The following AHCY variants were observed in gnomAD, a reference collection of about 807,000 sequenced individuals.
AHCY encodes the protein adenosylhomocysteinase.
In AHCY, 24 loss-of-function variants were observed where a neutral mutation model predicts 45.4. The observed-to-expected ratio is 0.53, with a 90% CI of 0.38 to 0.74. The LOEUF is 0.74. Ranked by LOEUF, AHCY falls within the 30% of genes least tolerant of loss-of-function variation. The probability of loss-of-function intolerance (pLI) is 0.00; values close to 1 mark genes in which losing one functional copy is unlikely to be tolerated. For synonymous variants in AHCY, 245 were observed against 235.1 expected, an observed-to-expected ratio of 1.04 and a Z score of -0.39; for missense variants, 449 against 594.1, an observed-to-expected ratio of 0.76 and a Z score of 2.54.
chr20:34,241,432 C>G, the AHCY span: 5 of 984,942 alleles, frequency 5.1e-6, no homozygotes, highest in Non-Finnish European at 4.8e-6. Flanking sequence ...CAGCAAATCT[C>G]TACAGCTGCA....
chr20:34,268,815 C>G, the AHCY span, among the ~76,000 whole-genome samples: 1 of 151,438 alleles, frequency 6.6e-6, no homozygotes, highest in Admixed American at 6.6e-5. Flanking sequence ...CCAGGTAAGT[C>G]TGGATGGGGA....
chr20:34,238,965 C>A, the AHCY span, among the ~76,000 whole-genome samples: 34 of 152,208 alleles, frequency 2.2e-4, 1 homozygote, highest in African/African-American at 7.0e-4. Flanking sequence ...TCTGCCAGTA[C>A]AAGTTTTGGT....
At chr20:34,285,027 C>T (rs2036125397) in intron 9 of AHCY, among the ~76,000 whole-genome samples, 1 of 152,116 alleles carries the variant, frequency 6.6e-6, no homozygotes, top group Admixed American at 6.6e-5. Context: ...CCTGCCTAGC[C>T]CCTGTGGGTG....
chr20:34,246,050 G>A, the AHCY span: 28 of 918,716 alleles, frequency 3.0e-5, no homozygotes, highest in Middle Eastern at 3.2e-4. Flanking sequence ...AAGTCTCCCC[G>A]AATAATTTCA....
the AHCY span, among the ~76,000 whole-genome samples, chr20:34,235,793 GA>G: frequency 2.4e-5 from 1 of 41,498 alleles, no homozygotes; most frequent in Non-Finnish European, 3.8e-5. Flanking sequence ...AAAGAAGAAA[GA>G]AAGAAAGAAA....
the AHCY span, chr20:34,245,890 C>A: frequency 7.6e-7 from 1 of 1,310,600 alleles, no homozygotes; most frequent in Non-Finnish European, 1.0e-6. Flanking sequence ...ATATAAAGGC[C>A]TCTCTCCCTT....
intron 3 of AHCY, chr20:34,293,691 G>C (rs2036477821): frequency 1.4e-5 from 5 of 355,838 alleles, no homozygotes; most frequent in South Asian, 8.9e-5. Context: ...ATTCTCGTTA[G>C]ACTTGGTCCT....
the AHCY span, among the ~76,000 whole-genome samples, chr20:34,238,745 C>A: frequency 2.0e-5 from 3 of 152,072 alleles, no homozygotes; most frequent in African/African-American, 7.2e-5. Context: ...GAAAACTAGA[C>A]ATTTTAGTTT....
upstream of AHCY, among the ~76,000 whole-genome samples, chr20:34,304,709 A>G (rs1008813778): frequency 2.1e-5 from 3 of 145,982 alleles, no homozygotes; most frequent in Admixed American, 2.0e-4. Flanking sequence ...TTTTTTTGAG[A>G]TAGAGTTTGG....
chr20:34,255,221 C>A, the AHCY span, among the ~76,000 whole-genome samples: 1 of 152,194 alleles, frequency 6.6e-6, no homozygotes, highest in Non-Finnish European at 1.5e-5. Flanking sequence ...GTCCCACTAC[C>A]CCTTGGATTT....
rs114007946 is a variant in AHCY at position 34,290,189 on chromosome 20, G to A, written c.972+143C>T. On this transcript the variant is annotated intron_variant, in intron 8 of 9. Coordinates refer to ENST00000217426, the MANE Select transcript of AHCY (RefSeq NM_000687.4). The surrounding 1 kb of genome is among the most constrained non-coding windows in gnomAD (Gnocchi z 4.5). The stretch of plus-strand genomic sequence containing the variant: ...GCTGCCCACAGGATAAGGTTGCCAC[G>A]TCTGGCTGGCTCTGATGCTAGGCCC... 6,240 of 843,658 alleles carry A rather than the reference G, an allele frequency of 7.4e-3. 263 individuals carry two copies. The African/African-American group carries it at 0.089, about 12-fold the overall frequency. 52.3% of individuals were successfully genotyped at this position (843,658 alleles called of 1,614,324 possible).
intron 8 of AHCY, among the ~76,000 whole-genome samples, chr20:34,289,174 T>G (rs1036595058): frequency 8.0e-5 from 12 of 150,810 alleles, no homozygotes; most frequent in Non-Finnish European, 1.8e-4. Context: ...CAGCTGATTT[T>G]TTTGTTTGTT....
the AHCY span, among the ~76,000 whole-genome samples, chr20:34,258,681 ATATATATATACATAC>A: frequency 2.8e-5 from 2 of 70,968 alleles, 1 homozygote; most frequent in Admixed American, 4.1e-4. Context: ...TGCCATATAT[ATATATATATACATAC>A]TATATATATA....
chr20:34,292,503 A>G lies in AHCY; in HGVS notation c.300T>C (p.Tyr100=). 2 of 1,614,042 alleles carry G rather than the reference A, an allele frequency of 1.2e-6. No individual in the cohort carries two copies. Residue 100 remains tyrosine, a synonymous_variant, in exon 4 of 10, where the codon TAT becomes TAC. Coordinates refer to ENST00000217426, the MANE Select transcript of AHCY (RefSeq NM_000687.4). ...CCTCGTCCGTTTCGCCCTTCCAGGCATACACTGGAGGGTGAGTGGCACATC... is the reference window on the plus strand; with the variant it reads ...CCTCGTCCGTTTCGCCCTTCCAGGCGTACACTGGAGGGTGAGTGGCACATC... ...AAIAKAGIPV[Y]AWKGETDEEY... is the part of the protein sequence containing the mutation.
the AHCY span, among the ~76,000 whole-genome samples, chr20:34,274,549 A>G: frequency 2.0e-5 from 3 of 152,192 alleles, no homozygotes; most frequent in Non-Finnish European, 4.4e-5. Context: ...CCCAGGGAGT[A>G]GTCTCACTAG....
At chr20:34,281,188 C>T (rs373677983) in intron 9 of AHCY, 23 bp from the exon 10 acceptor site, 34 of 1,611,822 alleles carry the variant, frequency 2.1e-5, no homozygotes, top group Non-Finnish European at 2.7e-5. Flanking sequence ...AAAGGAAGAC[C>T]GGGAATCAGT....
At chr20:34,275,602 TA>T (rs1253386954), downstream of AHCY, among the ~76,000 whole-genome samples, 1 of 152,126 alleles carries the variant, frequency 6.6e-6, no homozygotes, top group Non-Finnish European at 1.5e-5. Flanking sequence ...CCAGTTAGTG[TA>T]AAACATGTCT....
the AHCY span, among the ~76,000 whole-genome samples, chr20:34,252,691 C>G: frequency 6.6e-6 from 1 of 152,142 alleles, no homozygotes; most frequent in Non-Finnish European, 1.5e-5. Context: ...AGCACAGACC[C>G]TTTATGGGTG....
intron 1 of AHCY, among the ~76,000 whole-genome samples, chr20:34,309,074 C>T (rs188295835): frequency 1.8e-4 from 28 of 151,528 alleles, no homozygotes; most frequent in African/African-American, 6.6e-4. Context: ...ATTCTCCTGC[C>T]TCAGTCTCCC....
Sources: allele counts gnomAD v4.1 joint callset (sites outside exome capture counted in the v4.1 genomes callset), GRCh38; gene constraint gnomAD v4.1.1; non-coding constraint Gnocchi (gnomAD v3.1); transcripts MANE v1.5; gene names NCBI Gene and HGNC (gene_info 2026-07-23, HGNC 2026-07-21).